The following MAGI2 variants were observed in gnomAD, a reference collection of about 807,000 sequenced individuals.
The protein encoded by MAGI2 is membrane-associated guanylate kinase, WW and PDZ domain-containing protein 2.
In MAGI2, 35 loss-of-function variants were observed where a neutral mutation model predicts 133.3. The ratio of observed to expected loss-of-function variants is 0.26; its 90% CI spans 0.20 to 0.35. MAGI2 has a LOEUF of 0.35. Among genes scored for constraint, MAGI2 ranks in the 10% least tolerant of loss-of-function variants. MAGI2 has a pLI of 1.00. For synonymous variants in MAGI2, 729 were observed against 710.6 expected (o/e 1.03, Z -0.41); for missense variants, 1,636 against 1,863.4 (o/e 0.88, Z 2.25).
intron 4 of MAGI2, among the ~76,000 whole-genome samples, chr7:78,504,516 G>A (rs1208923141): frequency 5.3e-5 from 8 of 152,196 alleles, no homozygotes. Context: ...TAGAAGGAGA[G>A]CACTACTGAG....
chr7:78,573,263 A>AATATATATAAATATATAT (rs1563188555), intron 3 of MAGI2, among the ~76,000 whole-genome samples: 1 of 15,680 alleles, frequency 6.4e-5, no homozygotes, highest in Non-Finnish European at 1.0e-4. Context: ...TATAAATATA[A>AATATATATAAATATATAT]ATATATATAA....
intron 1 of MAGI2, among the ~76,000 whole-genome samples, chr7:79,221,054 G>T (rs1334216038): frequency 6.6e-6 from 1 of 151,962 alleles, no homozygotes; most frequent in Non-Finnish European, 1.5e-5. Flanking sequence ...CCTGATGGTA[G>T]AAGGGTTTTC....
At chr7:78,084,115 T>C (rs980998133) in intron 20 of MAGI2, among the ~76,000 whole-genome samples, 2 of 152,216 alleles carry the variant, frequency 1.3e-5, no homozygotes, top group Admixed American at 1.3e-4. Flanking sequence ...GAGCCTATTT[T>C]GCATGATCAT....
chr7:78,249,579 G>T (rs746185224), intron 10 of MAGI2, among the ~76,000 whole-genome samples: 3 of 152,042 alleles, frequency 2.0e-5, no homozygotes, highest in Non-Finnish European at 4.4e-5. Flanking sequence ...AAACCTGGAG[G>T]ACATTACATT....
chr7:78,613,900 G>C (rs1806761979), intron 3 of MAGI2, among the ~76,000 whole-genome samples: 1 of 152,060 alleles, frequency 6.6e-6, no homozygotes. Flanking sequence ...CTTGAGGTCA[G>C]GAGTTTGAGA....
chr7:78,038,156 G>T (rs1464517613), intron 21 of MAGI2, among the ~76,000 whole-genome samples: 2 of 152,154 alleles, frequency 1.3e-5, no homozygotes, highest in Admixed American at 1.3e-4. Flanking sequence ...GTTAGAAAGG[G>T]ACTGGGATCT....
intron 2 of MAGI2, among the ~76,000 whole-genome samples, chr7:78,813,857 G>A (rs1789313459): frequency 2.0e-5 from 3 of 148,010 alleles, no homozygotes; most frequent in African/African-American, 7.5e-5. Flanking sequence ...AGAAGGAATA[G>A]AAAGTCACTA....
chr7:78,244,221 C>T (rs1399920435), intron 10 of MAGI2, among the ~76,000 whole-genome samples: 2 of 134,590 alleles, frequency 1.5e-5, no homozygotes, highest in African/African-American at 5.4e-5. Context: ...AATAGAACTA[C>T]TCTCAGGTAA....
At chr7:78,813,070 C>T (rs1338077813) in intron 2 of MAGI2, among the ~76,000 whole-genome samples, 1 of 152,170 alleles carries the variant, frequency 6.6e-6, no homozygotes, top group Non-Finnish European at 1.5e-5. Flanking sequence ...TCTTTGAGAA[C>T]TCTCAAAAGT....
intron 2 of MAGI2, among the ~76,000 whole-genome samples, chr7:78,833,977 G>GGCA (rs1563559991): frequency 6.6e-6 from 1 of 152,136 alleles, no homozygotes; most frequent in Non-Finnish European, 1.5e-5. Context: ...TAACGTGAAA[G>GGCA]TCATTATTAT....
chr7:78,926,089 T>C (rs1291794553), intron 2 of MAGI2, among the ~76,000 whole-genome samples: 1 of 151,834 alleles, frequency 6.6e-6, no homozygotes, highest in Non-Finnish European at 1.5e-5. Context: ...GTAACTGTTC[T>C]GTTCACCCCT....
At chr7:79,404,417 C>T (rs570843395) in intron 1 of MAGI2, among the ~76,000 whole-genome samples, 1 of 152,074 alleles carries the variant, frequency 6.6e-6, no homozygotes, top group African/African-American at 2.4e-5. Context: ...GTCACTGCAG[C>T]CTTGAACTCC....
intron 21 of MAGI2, among the ~76,000 whole-genome samples, chr7:78,034,474 T>A (rs17160602): frequency 2.0e-5 from 3 of 152,108 alleles, no homozygotes; most frequent in Non-Finnish European, 4.4e-5. Flanking sequence ...TTTGAAGCAC[T>A]TCCAGCTCTT....
intron 1 of MAGI2, among the ~76,000 whole-genome samples, chr7:79,251,982 C>T (rs1371942227): frequency 1.3e-5 from 2 of 151,716 alleles, no homozygotes; most frequent in Non-Finnish European, 2.9e-5. Flanking sequence ...CTTGGCAAAA[C>T]CTCATCTTTA....
intron 13 of MAGI2, among the ~76,000 whole-genome samples, chr7:78,184,043 G>GT (rs1429763270): frequency 1.3e-5 from 2 of 152,264 alleles, no homozygotes; most frequent in East Asian, 3.9e-4. Flanking sequence ...TTTTAAAAAG[G>GT]TAAAAACTAT....
intron 10 of MAGI2, among the ~76,000 whole-genome samples, chr7:78,205,939 T>C (rs4236580): frequency 0.5 from 75,675 of 151,588 alleles, 18,915 homozygotes; most frequent in East Asian, 0.55. Context: ...GCACCTCATG[T>C]GATACAGGAT....
intron 21 of MAGI2, among the ~76,000 whole-genome samples, chr7:78,050,095 A>G (rs944903569): frequency 6.6e-6 from 1 of 152,226 alleles, no homozygotes; most frequent in African/African-American, 2.4e-5. Context: ...CGTTCACAAC[A>G]GAGAAAATTC....
At chr7:79,081,276 G>T (rs1011000719) in intron 1 of MAGI2, among the ~76,000 whole-genome samples, 1 of 152,126 alleles carries the variant, frequency 6.6e-6, no homozygotes, top group African/African-American at 2.4e-5. Context: ...CATTTCCTAA[G>T]AACCCATGGC....
At chr7:79,115,632 C>T (rs2129544218) in intron 1 of MAGI2, among the ~76,000 whole-genome samples, 1 of 152,038 alleles carries the variant, frequency 6.6e-6, no homozygotes, top group African/African-American at 2.4e-5. Flanking sequence ...TAAAATTAAG[C>T]ATGATGAATA....
Sources: gnomAD v4.1 joint callset for allele counts (sites outside exome capture counted in the v4.1 genomes callset) on GRCh38, gnomAD v4.1.1 for gene constraint, MANE v1.5 for transcripts, NCBI Gene and HGNC (gene_info 2026-07-23, HGNC 2026-07-21) for gene names.